The following NR6A1 variants were observed in gnomAD, a reference collection of about 807,000 sequenced individuals.
The protein encoded by NR6A1 is nuclear receptor subfamily 6 group A member 1.
In NR6A1, 7 loss-of-function variants were observed where a neutral mutation model predicts 59.1. That is an observed-to-expected ratio of 0.12 (90% CI 0.07 to 0.22). The LOEUF (loss-of-function observed/expected upper bound fraction) is 0.22, where lower values mean the gene tolerates loss of function less well. Among genes scored for constraint, NR6A1 ranks in the 10% least tolerant of loss-of-function variants. NR6A1 has a pLI of 1.00. For synonymous variants in NR6A1, 243 were observed against 236.1 expected (o/e 1.03, Z -0.27); for missense variants, 468 against 611.6 (o/e 0.77, Z 2.48).
At chr9:124,527,708 G>A (rs1481610171) in intron 7 of NR6A1, among the ~76,000 whole-genome samples, 3 of 152,172 alleles carry the variant, frequency 2.0e-5, no homozygotes, top group Admixed American at 1.3e-4. Context: ...CTAAGGTGGT[G>A]TACCCTAGCA....
At chr9:124,704,649 C>T (rs981466864) in intron 2 of NR6A1, among the ~76,000 whole-genome samples, 1 of 152,142 alleles carries the variant, frequency 6.6e-6, no homozygotes, top group Non-Finnish European at 1.5e-5. Context: ...AATATCCAGG[C>T]ATTATAAAAG....
intron 2 of NR6A1, among the ~76,000 whole-genome samples, chr9:124,566,055 A>C (rs983405068): frequency 6.6e-6 from 1 of 152,258 alleles, no homozygotes; most frequent in Non-Finnish European, 1.5e-5. Flanking sequence ...AAAATAACCC[A>C]AATGTTCATT....
intron 1 of NR6A1, among the ~76,000 whole-genome samples, chr9:124,751,552 C>T (rs541347359): frequency 1.3e-5 from 2 of 152,058 alleles, no homozygotes; most frequent in Admixed American, 6.6e-5. Flanking sequence ...AAAGTGTCAC[C>T]GAGCAAGAAT....
At chr9:124,758,265 C>T (rs900339265) in intron 1 of NR6A1, among the ~76,000 whole-genome samples, 11 of 152,218 alleles carry the variant, frequency 7.2e-5, no homozygotes, top group African/African-American at 2.7e-4. Context: ...CTCTTCACTT[C>T]ACCCCTCCCC....
At chr9:124,546,007 C>G (rs548712069) in intron 3 of NR6A1, among the ~76,000 whole-genome samples, 10 of 152,102 alleles carry the variant, frequency 6.6e-5, no homozygotes, top group Admixed American at 1.3e-4. Flanking sequence ...CCCAGCTACT[C>G]GGGAGGCTGA....
At chr9:124,524,913 T>C in intron 8 of NR6A1, 40 bp from the exon 9 acceptor site, 2 of 1,555,506 alleles carry the variant, frequency 1.3e-6, no homozygotes, top group Non-Finnish European at 1.7e-6. Context: ...ATACAGGGAA[T>C]GGGATGGGCA....
intron 2 of NR6A1, among the ~76,000 whole-genome samples, chr9:124,686,491 T>G (rs1838334321): frequency 6.6e-6 from 1 of 152,222 alleles, no homozygotes; most frequent in Admixed American, 6.5e-5. Context: ...CAGCTTTATA[T>G]TCCCAACTTA....
chr9:124,617,624 T>C (rs1835938193), intron 2 of NR6A1, among the ~76,000 whole-genome samples: 1 of 152,060 alleles, frequency 6.6e-6, no homozygotes, highest in Non-Finnish European at 1.5e-5. Context: ...GTTCCCCTAG[T>C]GATTGGACCC....
At chr9:124,650,014 T>C (rs1588743380) in intron 2 of NR6A1, among the ~76,000 whole-genome samples, 1 of 152,182 alleles carries the variant, frequency 6.6e-6, no homozygotes, top group Non-Finnish European at 1.5e-5. Flanking sequence ...TCACCCATTA[T>C]GGAAAACAGT....
At chr9:124,719,790 C>A (rs974631570) in intron 2 of NR6A1, among the ~76,000 whole-genome samples, 1 of 151,944 alleles carries the variant, frequency 6.6e-6, no homozygotes, top group Non-Finnish European at 1.5e-5. Flanking sequence ...CGCGGTAATG[C>A]GCGCCTATAG....
intron 8 of NR6A1, among the ~76,000 whole-genome samples, chr9:124,526,288 A>ATGTGTGTATG (rs1832932304): frequency 6.8e-6 from 1 of 146,562 alleles, no homozygotes; most frequent in East Asian, 2.0e-4. Flanking sequence ...GTATGTGTGT[A>ATGTGTGTATG]TGTGTGTGTG....
At position 124,771,268 on chromosome 9, in the gene NR6A1, TCCGCGCCGCTCCGCGCCCCTCCGCG is replaced by T. The variant is rs949729960; in HGVS notation, c.-174_-150del. ...CTCTCTGGGCCCCGAGCCGCCCGGC[TCCGCGCCGCTCCGCGCCCCTCCGCG>T]CCGCGCCCCCTCAGCACTGGCCAGC... On this transcript the variant is annotated 5_prime_UTR_variant, in exon 1 of 10. Coordinates refer to ENST00000487099, the MANE Select transcript of NR6A1 (RefSeq NM_033334.4). The T allele has an allele frequency of 2.0e-5, 8 of 400,512 alleles. No individual in the cohort carries two copies. In the Admixed American group the frequency reaches 2.7e-4, roughly 13 times the overall value. The allele number at this position is 400,512 out of a possible 1,614,324, so 24.8% of individuals were successfully genotyped here.
intron 1 of NR6A1, among the ~76,000 whole-genome samples, chr9:124,752,045 C>T (rs1030610559): frequency 6.6e-6 from 1 of 152,152 alleles, no homozygotes; most frequent in South Asian, 2.1e-4. Context: ...CCGGGGTGGG[C>T]GGATCACTTG....
At chr9:124,759,047 T>C (rs577053441) in intron 1 of NR6A1, among the ~76,000 whole-genome samples, 2 of 152,204 alleles carry the variant, frequency 1.3e-5, no homozygotes, top group African/African-American at 4.8e-5. Flanking sequence ...AACTCCTCAA[T>C]GTTTGGGCTC....
intron 6 of NR6A1, among the ~76,000 whole-genome samples, chr9:124,536,677 AAAG>A (rs1833277213): frequency 6.6e-6 from 1 of 152,118 alleles, no homozygotes; most frequent in African/African-American, 2.4e-5. Context: ...AAAAAAAAAA[AAAG>A]AAATGTGTCC....
intron 2 of NR6A1, among the ~76,000 whole-genome samples, chr9:124,727,014 T>A (rs1456977017): frequency 2.0e-5 from 3 of 152,252 alleles, no homozygotes; most frequent in African/African-American, 7.2e-5. Context: ...TCTTTTGATA[T>A]GTAAGTTCTT....
At chr9:124,674,257 T>A (rs1837886062) in intron 2 of NR6A1, among the ~76,000 whole-genome samples, 1 of 152,164 alleles carries the variant, frequency 6.6e-6, no homozygotes, top group African/African-American at 2.4e-5. Flanking sequence ...AATGCCTAGG[T>A]ACACAGGAGG....
chr9:124,597,565 A>G (rs1390725335), intron 2 of NR6A1, among the ~76,000 whole-genome samples: 1 of 152,210 alleles, frequency 6.6e-6, no homozygotes, highest in African/African-American at 2.4e-5. Context: ...ATAAGGAGCT[A>G]TTAGTCTAAC....
intron 2 of NR6A1, among the ~76,000 whole-genome samples, chr9:124,621,689 T>C (rs980591645): frequency 6.6e-6 from 1 of 152,092 alleles, no homozygotes; most frequent in Non-Finnish European, 1.5e-5. Flanking sequence ...GAAATGCTTC[T>C]TACTAATATG....
Sources: allele counts gnomAD v4.1 joint callset (sites outside exome capture counted in the v4.1 genomes callset), GRCh38; gene constraint gnomAD v4.1.1; transcripts MANE v1.5; gene names NCBI Gene and HGNC (gene_info 2026-07-23, HGNC 2026-07-21).